The following CYSLTR2 variants were observed in gnomAD, a reference collection of about 807,000 sequenced individuals.
The protein encoded by CYSLTR2 is G-protein coupled receptor GPCR21.
For missense variants in CYSLTR2, 398 were observed against 411.9 expected, an observed-to-expected ratio of 0.97 and a Z score of 0.29; for synonymous variants, 179 against 160.8, an observed-to-expected ratio of 1.11 and a Z score of -0.86.
At chr13:48,671,341 C>T (rs954243311) in intron 1 of CYSLTR2, among the ~76,000 whole-genome samples, 87 of 152,282 alleles carry the variant, frequency 5.7e-4, no homozygotes, top group African/African-American at 2.0e-3. Context: ...GAGAGGGCAT[C>T]CTTGTCTTGT....
rs199911774 is a variant in CYSLTR2 at position 48,707,917 on chromosome 13, T to A, written c.*59T>A. The A allele has an allele frequency of 2.0e-5, 27 of 1,350,212 alleles. No homozygotes were observed. Among genetic ancestry groups the A allele is most frequent in the Middle Eastern group, 4.0e-4 (2 of 4,994 alleles). 83.6% of individuals were successfully genotyped at this position (1,350,212 alleles called of 1,614,324 possible). A position where few individuals can be genotyped will look rare whatever the true frequency, so the allele number is the denominator to read the frequency against. ...TGTGTCCATCTTCATTCACTCATAG[T>A]CTCCAAATGACTTTGTATTTACATC... is the stretch of plus-strand genomic sequence containing the variant. On this transcript the variant is annotated 3_prime_UTR_variant, in exon 5 of 5. Transcript: ENST00000682523.
chr13:48,669,283 CT>C (rs879468376), intron 1 of CYSLTR2, among the ~76,000 whole-genome samples: 303 of 145,680 alleles, frequency 2.1e-3, no homozygotes, highest in Admixed American at 3.6e-3. Context: ...TGTTTCCTGA[CT>C]TTTTTTTTTT....
At chr13:48,679,830 A>G (rs1168007594) in intron 1 of CYSLTR2, among the ~76,000 whole-genome samples, 1 of 152,114 alleles carries the variant, frequency 6.6e-6, no homozygotes, top group African/African-American at 2.4e-5. Context: ...GTGAGGAGCC[A>G]TGAGAGTAGC....
At chr13:48,696,873 G>C (rs776133006) in intron 4 of CYSLTR2, among the ~76,000 whole-genome samples, 1 of 151,330 alleles carries the variant, frequency 6.6e-6, no homozygotes, top group Non-Finnish European at 1.5e-5. Context: ...TCCCACGCCC[G>C]GCTCGGAGGG....
At chr13:48,703,914 T>C (rs1329713322) in intron 4 of CYSLTR2, among the ~76,000 whole-genome samples, 1 of 152,184 alleles carries the variant, frequency 6.6e-6, no homozygotes, top group East Asian at 1.9e-4. Flanking sequence ...TTAATAGTTA[T>C]GGGGATATTC....
chr13:48,672,199 GTCTA>G lies in CYSLTR2; in HGVS notation c.-266+18188_-266+18191del, dbSNP rs1252822275. On this transcript the variant is annotated intron_variant, in intron 1 of 4. Transcript: ENST00000682523. ...TTCTTCTTTATTTGTCTGGCTAGCAGTCTATCTATTTTGTTAATCTTTTCAAAAA... is the reference window on the plus strand; with the variant it reads ...TTCTTCTTTATTTGTCTGGCTAGCAGTCTATTTTGTTAATCTTTTCAAAAA... Among the ~76,000 whole-genome samples, 9 of 152,150 alleles carry G rather than the reference GTCTA, an allele frequency of 5.9e-5. No individual in the cohort carries two copies. The East Asian group carries it at 1.3e-3, about 23-fold the overall frequency.
intron 1 of CYSLTR2, among the ~76,000 whole-genome samples, chr13:48,683,313 C>T (rs1435292477): frequency 6.6e-6 from 1 of 152,214 alleles, no homozygotes; most frequent in East Asian, 1.9e-4. Context: ...AGACAGCTTT[C>T]CACAATGTCT....
chr13:48,658,246 T>A (rs1190320024), intron 1 of CYSLTR2, among the ~76,000 whole-genome samples: 1 of 152,184 alleles, frequency 6.6e-6, no homozygotes, highest in South Asian at 2.1e-4. Context: ...TCTGCTCCCA[T>A]GCCATGCCAT....
intron 1 of CYSLTR2, among the ~76,000 whole-genome samples, chr13:48,664,751 A>G (rs1037595275): frequency 1.5e-4 from 23 of 151,418 alleles, no homozygotes; most frequent in Non-Finnish European, 1.0e-4. Context: ...TGGTTTGTCC[A>G]TTTTGTTTAC....
At chr13:48,694,041 T>G (rs902733097) in intron 3 of CYSLTR2, among the ~76,000 whole-genome samples, 1 of 152,136 alleles carries the variant, frequency 6.6e-6, no homozygotes, top group Non-Finnish European at 1.5e-5. Flanking sequence ...CTGGAAGAAG[T>G]GCAGTTTTAG....
At chr13:48,657,103 A>G (rs1039866820) in intron 1 of CYSLTR2, among the ~76,000 whole-genome samples, 1 of 152,264 alleles carries the variant, frequency 6.6e-6, no homozygotes, top group Non-Finnish European at 1.5e-5. Flanking sequence ...GTGTAAATAA[A>G]TCAATTCACC....
intron 3 of CYSLTR2, among the ~76,000 whole-genome samples, chr13:48,695,391 T>TTCTC (rs144547434): frequency 0.28 from 38,434 of 138,406 alleles, 7,250 homozygotes; most frequent in African/African-American, 0.53. Context: ...CTTTCTTTCT[T>TTCTC]TCTCTCTCTC....
At chr13:48,684,716 G>A (rs1953852656) in intron 1 of CYSLTR2, among the ~76,000 whole-genome samples, 2 of 152,076 alleles carry the variant, frequency 1.3e-5, no homozygotes, top group South Asian at 4.1e-4. Context: ...CTAACCCCAG[G>A]TACCTGTGAA....
chr13:48,689,087 C>T (rs1271891732), intron 1 of CYSLTR2, among the ~76,000 whole-genome samples: 1 of 152,112 alleles, frequency 6.6e-6, no homozygotes, highest in East Asian at 1.9e-4. Context: ...TATCCTTTGC[C>T]CACTTTTGAT....
chr13:48,672,279 T>G (rs1368018513), intron 1 of CYSLTR2, among the ~76,000 whole-genome samples: 1 of 152,196 alleles, frequency 6.6e-6, no homozygotes, highest in Non-Finnish European at 1.5e-5. Context: ...TCTATCTCTT[T>G]CAGTTCTGCT....
chr13:48,671,347 C>G (rs1399414029), intron 1 of CYSLTR2, among the ~76,000 whole-genome samples: 4 of 152,124 alleles, frequency 2.6e-5, no homozygotes, highest in African/African-American at 9.7e-5. Context: ...GCATCCTTGT[C>G]TTGTGTGTAT....
intron 2 of CYSLTR2, among the ~76,000 whole-genome samples, chr13:48,692,498 T>C (rs945997464): frequency 1.3e-5 from 2 of 151,622 alleles, no homozygotes; most frequent in Non-Finnish European, 3.0e-5. Flanking sequence ...AAATAGAAAA[T>C]ACATTTCAAA....
intron 1 of CYSLTR2, among the ~76,000 whole-genome samples, 163 bp from the exon 2 acceptor site, chr13:48,691,049 G>A (rs1449765264): frequency 6.6e-6 from 1 of 151,960 alleles, no homozygotes; most frequent in African/African-American, 2.4e-5. Context: ...TTGCAGGTCT[G>A]GATGAGGGCA....
chr13:48,667,710 G>A (rs961130819), intron 1 of CYSLTR2, among the ~76,000 whole-genome samples: 3 of 152,184 alleles, frequency 2.0e-5, no homozygotes, highest in Non-Finnish European at 2.9e-5. Flanking sequence ...TGTTTCCTGT[G>A]AACATTTCTA....
Sources: allele counts gnomAD v4.1 joint callset (sites outside exome capture counted in the v4.1 genomes callset), GRCh38; gene constraint gnomAD v4.1.1; transcripts MANE v1.5; gene names NCBI Gene and HGNC (gene_info 2026-07-23, HGNC 2026-07-21).